Variants in GRIP1 observed in about 807,000 individuals in gnomAD.
GRIP1 encodes the protein glutamate receptor interacting protein 1, also known as glutamate receptor-interacting protein 1.
Under a neutral mutation model 129.9 loss-of-function variants are expected in GRIP1, and 45 were observed. That is an observed-to-expected ratio of 0.35 (90% CI 0.27 to 0.44). GRIP1 has a LOEUF of 0.44. Among genes scored for constraint, GRIP1 ranks in the 20% least tolerant of loss-of-function variants. GRIP1 has a pLI of 1.00. For synonymous variants in GRIP1, 530 were observed against 520.8 expected (o/e 1.02, Z -0.24); for missense variants, 1,196 against 1,396.8 (o/e 0.86, Z 2.29).
intron 24 of GRIP1, among the ~76,000 whole-genome samples, chr12:66,350,630 C>G (rs2054180141): frequency 6.6e-6 from 1 of 152,166 alleles, no homozygotes; most frequent in African/African-American, 2.4e-5. Flanking sequence ...AAATCTTTAA[C>G]TCTGGCTCTA....
chr12:66,514,865 AG>A (rs2060798906), intron 7 of GRIP1, among the ~76,000 whole-genome samples: 1 of 152,140 alleles, frequency 6.6e-6, no homozygotes, highest in African/African-American at 2.4e-5. Context: ...TGGTAAAGTC[AG>A]GTCACCTAAT....
intron 22 of GRIP1, 117 bp downstream of exon 22, chr12:66,376,897 AGGG>A: frequency 1.3e-6 from 1 of 797,010 alleles, no homozygotes; most frequent in East Asian, 2.4e-5. Flanking sequence ...AGTAAGCTTG[AGGG>A]GTGGAGATGG....
At chr12:66,603,415 T>C (rs1251962426) in intron 1 of GRIP1, among the ~76,000 whole-genome samples, 1 of 152,186 alleles carries the variant, frequency 6.6e-6, no homozygotes, top group Non-Finnish European at 1.5e-5. Flanking sequence ...TCTCAAAATG[T>C]GGACCATGGA....
intron 19 of GRIP1, among the ~76,000 whole-genome samples, chr12:66,382,138 G>A (rs904249417): frequency 2.6e-5 from 4 of 152,208 alleles, no homozygotes. Context: ...GCTGAGGCAA[G>A]AAGATTGCTT....
chr12:66,528,827 G>A (rs770272080), intron 5 of GRIP1, among the ~76,000 whole-genome samples: 9 of 152,166 alleles, frequency 5.9e-5, no homozygotes, highest in Middle Eastern at 3.4e-3. Flanking sequence ...TCAATGTTGC[G>A]TTTATTTAAA....
chr12:66,440,613 C>T (rs896246992), intron 13 of GRIP1, among the ~76,000 whole-genome samples: 1 of 152,162 alleles, frequency 6.6e-6, no homozygotes, highest in Non-Finnish European at 1.5e-5. Context: ...CATAAGAGGT[C>T]TTCTACCTTC....
intron 7 of GRIP1, among the ~76,000 whole-genome samples, chr12:66,498,983 A>G (rs375784526): frequency 2.2e-4 from 34 of 152,336 alleles, no homozygotes; most frequent in African/African-American, 7.7e-4. Flanking sequence ...ATTTAAGGTC[A>G]GTCTCATGAT....
intron 1 of GRIP1, among the ~76,000 whole-genome samples, chr12:66,636,272 A>G (rs962623903): frequency 1.3e-5 from 2 of 152,108 alleles, no homozygotes; most frequent in Non-Finnish European, 2.9e-5. Context: ...ACGGGGAGTT[A>G]TTGTTTAATA....
intron 1 of GRIP1, among the ~76,000 whole-genome samples, chr12:66,767,961 C>T (rs1048091628): frequency 9.2e-5 from 14 of 152,290 alleles, no homozygotes; most frequent in Admixed American, 3.9e-4. Context: ...TAAGAATCAA[C>T]GCAATTCCTG....
intron 1 of GRIP1, among the ~76,000 whole-genome samples, chr12:67,050,520 G>A (rs555302090): frequency 2.6e-5 from 4 of 152,152 alleles, no homozygotes; most frequent in Non-Finnish European, 4.4e-5. Context: ...GGAAAAAAAA[G>A]AGCAGAGTTT....
At chr12:66,361,682 G>A (rs1011105088) in intron 23 of GRIP1, among the ~76,000 whole-genome samples, 2 of 152,116 alleles carry the variant, frequency 1.3e-5, no homozygotes, top group African/African-American at 2.4e-5. Flanking sequence ...TCCCTGTTGC[G>A]GGTGTCTTTG....
intron 1 of GRIP1, among the ~76,000 whole-genome samples, chr12:66,616,308 T>G (rs1424757493): frequency 6.6e-6 from 1 of 152,104 alleles, no homozygotes; most frequent in Non-Finnish European, 1.5e-5. Context: ...ACAAAATAAC[T>G]AAAACATTTG....
chr12:66,644,486 T>C (rs1171352784), intron 1 of GRIP1, among the ~76,000 whole-genome samples: 1 of 152,192 alleles, frequency 6.6e-6, no homozygotes, highest in African/African-American at 2.4e-5. Context: ...AAAAACTTTC[T>C]ACCACCAAAC....
intron 1 of GRIP1, among the ~76,000 whole-genome samples, chr12:66,704,963 G>T (rs1017845065): frequency 6.6e-6 from 1 of 151,916 alleles, no homozygotes; most frequent in Non-Finnish European, 1.5e-5. Context: ...ACAATAGTTT[G>T]TCTTTCTCTT....
intron 1 of GRIP1, among the ~76,000 whole-genome samples, chr12:66,609,402 C>T (rs2064690541): frequency 6.6e-6 from 1 of 152,060 alleles, no homozygotes; most frequent in East Asian, 1.9e-4. Context: ...TTTATTTAAG[C>T]TATGGGCTAT....
At chr12:66,685,754 C>G (rs1444868838) in intron 1 of GRIP1, among the ~76,000 whole-genome samples, 1 of 152,132 alleles carries the variant, frequency 6.6e-6, no homozygotes, top group Admixed American at 6.5e-5. Context: ...CCCTCCATAC[C>G]CAGCTTATCA....
In GRIP1 at chr12:66,554,319, A is replaced by G. The variant is rs142259177; in HGVS notation, c.137-12369T>C. 3.8e-3 allele frequency among the ~76,000 whole-genome samples: 576 copies of G among 152,304 alleles called. 3 individuals carry two copies. Among genetic ancestry groups the G allele is most frequent in the Admixed American group, 6.1e-3 (94 of 15,296 alleles). ...GGCCAAAACTCACTGCCTTGAAGGG[A>G]AGAATCCAATTCTGGCAGGTTTCAT... On this transcript the variant is annotated intron_variant, in intron 2 of 24. Transcript: ENST00000359742.
chr12:66,816,953 T>C (rs2039230198), intron 1 of GRIP1, among the ~76,000 whole-genome samples: 2 of 152,104 alleles, frequency 1.3e-5, no homozygotes, highest in South Asian at 2.1e-4. Flanking sequence ...CTCAAGGCAC[T>C]AGATCTTCAA....
At chr12:66,564,497 G>A (rs2062669532) in intron 2 of GRIP1, among the ~76,000 whole-genome samples, 1 of 152,012 alleles carries the variant, frequency 6.6e-6, no homozygotes, top group Admixed American at 6.5e-5. Context: ...TGGTATATAT[G>A]TGCCACATTT....
Sources: gnomAD v4.1 joint callset for allele counts (sites outside exome capture counted in the v4.1 genomes callset) on GRCh38, gnomAD v4.1.1 for gene constraint, MANE v1.5 for transcripts, NCBI Gene and HGNC (gene_info 2026-07-23, HGNC 2026-07-21) for gene names.